The following ANK3 variants were observed in gnomAD, a reference collection of about 807,000 sequenced individuals.
ANK3 encodes ankyrin-3.
In ANK3, 57 loss-of-function variants were observed where a neutral mutation model predicts 370.9. The observed-to-expected ratio is 0.15, with a 90% CI of 0.12 to 0.19. The LOEUF (loss-of-function observed/expected upper bound fraction) is 0.19. ANK3 is among the 10% of genes least tolerant of loss of function. ANK3 has a pLI of 1.00. For missense variants in ANK3, 4,439 were observed against 5,302.1 expected, an observed-to-expected ratio of 0.84 and a Z score of 5.06; for synonymous variants, 1,929 against 1,946.3, an observed-to-expected ratio of 0.99 and a Z score of 0.23.
At chr10:60,692,978 C>T (rs2079378599) in intron 1 of ANK3, among the ~76,000 whole-genome samples, 1 of 152,230 alleles carries the variant, frequency 6.6e-6, no homozygotes, top group Non-Finnish European at 1.5e-5. Flanking sequence ...TTCTGCATTT[C>T]CATCTGAGGT....
chr10:60,369,404 T>C (rs571912577), intron 1 of ANK3, among the ~76,000 whole-genome samples: 2 of 152,280 alleles, frequency 1.3e-5, no homozygotes, highest in South Asian at 4.1e-4. Context: ...TATTCATTCC[T>C]GTTATATTCC....
chr10:60,063,092 G>T lies in ANK3; in HGVS notation c.12595+19C>A. On this transcript the variant is annotated intron_variant, in intron 40 of 43. Coordinates refer to ENST00000280772, the MANE Select transcript of ANK3 (RefSeq NM_020987.5). ...TTTTATCAAATGATTAAATAAATAT[G>T]AACACTAAATTCGATTACCATCAAC... 2 of 1,601,090 alleles carry T rather than the reference G, an allele frequency of 1.2e-6. No homozygotes were observed. The highest frequency in any genetic ancestry group is 2.3e-5 in the South Asian group (2 of 88,364).
chr10:60,465,016 G>A (rs1028647120), intron 2 of ANK3, among the ~76,000 whole-genome samples: 12 of 152,002 alleles, frequency 7.9e-5, no homozygotes, highest in African/African-American at 1.5e-4. Context: ...CTGTAATCTC[G>A]GCACTTTGGG....
At chr10:60,427,148 C>G (rs1403581728) in intron 2 of ANK3, among the ~76,000 whole-genome samples, 1 of 152,092 alleles carries the variant, frequency 6.6e-6, no homozygotes, top group Non-Finnish European at 1.5e-5. Flanking sequence ...AATATTTATA[C>G]CCAACATTCC....
At chr10:60,253,211 T>C (rs549001893) in intron 7 of ANK3, among the ~76,000 whole-genome samples, 2 of 152,268 alleles carry the variant, frequency 1.3e-5, no homozygotes, top group Admixed American at 6.5e-5. Context: ...GACAAGGTGG[T>C]TGGGCAGAGG....
intron 1 of ANK3, among the ~76,000 whole-genome samples, chr10:60,290,646 C>A (rs529035982): frequency 6.6e-6 from 1 of 152,266 alleles, no homozygotes; most frequent in African/African-American, 2.4e-5. Context: ...CTTGGAAGTA[C>A]CCTCAGTTCA....
chr10:60,188,322 A>C (rs886722586), intron 16 of ANK3, among the ~76,000 whole-genome samples: 7 of 152,122 alleles, frequency 4.6e-5, no homozygotes, highest in African/African-American at 1.4e-4. Context: ...GTTTTGGGGG[A>C]TGTTGCCCTG....
chr10:60,732,264 C>T (rs368005466), intron 1 of ANK3, among the ~76,000 whole-genome samples: 8 of 152,204 alleles, frequency 5.3e-5, no homozygotes, highest in East Asian at 3.9e-4. Context: ...TCTCCCCAAT[C>T]CCCCTTCCCG....
At chr10:60,565,831 C>G (rs1290221544) in intron 2 of ANK3, among the ~76,000 whole-genome samples, 1 of 152,190 alleles carries the variant, frequency 6.6e-6, no homozygotes, top group Admixed American at 6.5e-5. Context: ...TCCTTTCTGC[C>G]ACCAATAAAG....
chr10:60,031,038 A>T (rs2073374027), intron 43 of ANK3, among the ~76,000 whole-genome samples: 1 of 152,160 alleles, frequency 6.6e-6, no homozygotes, highest in South Asian at 2.1e-4. Flanking sequence ...GACTTCCATG[A>T]GCAGAAAGGG....
chr10:60,243,954 T>C (rs561250748), intron 7 of ANK3, among the ~76,000 whole-genome samples: 1 of 152,140 alleles, frequency 6.6e-6, no homozygotes, highest in South Asian at 2.1e-4. Flanking sequence ...AAAGCTGGAG[T>C]TGATTTAAAA....
intron 1 of ANK3, among the ~76,000 whole-genome samples, chr10:60,356,385 A>C (rs1341631327): frequency 2.0e-5 from 3 of 152,180 alleles, no homozygotes; most frequent in Non-Finnish European, 2.9e-5. Context: ...CTCTGGAAAG[A>C]TTGTATGCTC....
intron 5 of ANK3, among the ~76,000 whole-genome samples, chr10:60,266,494 CA>C (rs1271921704): frequency 1.3e-5 from 2 of 152,060 alleles, no homozygotes; most frequent in East Asian, 3.9e-4. Context: ...AAAACCTGAA[CA>C]AAAGCTAAGG....
intron 2 of ANK3, among the ~76,000 whole-genome samples, chr10:60,587,864 A>T (rs2077854001): frequency 6.6e-6 from 1 of 152,104 alleles, no homozygotes; most frequent in Non-Finnish European, 1.5e-5. Flanking sequence ...AAAATATTCC[A>T]GGTAATAAGT....
intron 36 of ANK3, 102 bp downstream of exon 36, chr10:60,080,435 T>C: frequency 9.9e-7 from 1 of 1,005,918 alleles, no homozygotes; most frequent in South Asian, 1.5e-5. Context: ...GCAATTTTTC[T>C]TTTGCCATTG....
At chr10:60,521,816 A>G (rs1156564277) in intron 2 of ANK3, among the ~76,000 whole-genome samples, 1 of 152,162 alleles carries the variant, frequency 6.6e-6, no homozygotes, top group Admixed American at 6.6e-5. Context: ...AGCAATGACA[A>G]AATCTCCCAT....
At chr10:60,209,436 A>T (rs2132445999) in intron 9 of ANK3, among the ~76,000 whole-genome samples, 1 of 152,322 alleles carries the variant, frequency 6.6e-6, no homozygotes, top group Middle Eastern at 3.4e-3. Flanking sequence ...TAACGGCATT[A>T]TCCACTCTCT....
chr10:60,609,343 C>A (rs1044049378), intron 2 of ANK3, among the ~76,000 whole-genome samples: 3 of 152,098 alleles, frequency 2.0e-5, no homozygotes, highest in African/African-American at 7.2e-5. Flanking sequence ...ATACTGCCCT[C>A]CAGATGGAGG....
chr10:60,524,208 A>G (rs2076416381), intron 2 of ANK3, among the ~76,000 whole-genome samples: 1 of 152,174 alleles, frequency 6.6e-6, no homozygotes, highest in Non-Finnish European at 1.5e-5. Context: ...TGTCTCCAAG[A>G]AAAGGTCTTG....
Sources: allele counts gnomAD v4.1 joint callset (sites outside exome capture counted in the v4.1 genomes callset), GRCh38; gene constraint gnomAD v4.1.1; transcripts MANE v1.5; gene names NCBI Gene and HGNC (gene_info 2026-07-23, HGNC 2026-07-21).